BAZ1B: variants seen among roughly 807,000 people sequenced by gnomAD.
BAZ1B encodes bromodomain adjacent to zinc finger domain 1B.
Under a neutral mutation model 153.8 loss-of-function variants are expected in BAZ1B, and 22 were observed. The ratio of observed to expected loss-of-function variants is 0.14; its 90% CI spans 0.10 to 0.20. The LOEUF (loss-of-function observed/expected upper bound fraction) is 0.20. BAZ1B is among the 10% of genes least tolerant of loss of function. The pLI is 1.00. For missense variants in BAZ1B, 1,325 were observed against 1,799.3 expected, an observed-to-expected ratio of 0.74 and a Z score of 4.77; for synonymous variants, 676 against 633.4, an observed-to-expected ratio of 1.07 and a Z score of -1.01.
intron 18 of BAZ1B, 35 bp from the exon 19 acceptor site, chr7:73,442,588 C>A (rs782433429): frequency 6.3e-7 from 1 of 1,582,592 alleles, no homozygotes; most frequent in African/African-American, 1.4e-5. Flanking sequence ...ATCTGCACAG[C>A]CTTGACGGCA....
At chr7:73,455,168 A>T (rs782087321) in intron 13 of BAZ1B, among the ~76,000 whole-genome samples, 2 of 151,998 alleles carry the variant, frequency 1.3e-5, no homozygotes, top group Non-Finnish European at 2.9e-5. Context: ...TACAGGCGTG[A>T]GCCACCGCAC....
chr7:73,482,003 C>T (rs1444983381), intron 6 of BAZ1B, among the ~76,000 whole-genome samples: 1 of 152,188 alleles, frequency 6.6e-6, no homozygotes, highest in Non-Finnish European at 1.5e-5. Context: ...CCCGCCACTG[C>T]ACTCTGGCCT....
intron 13 of BAZ1B, 144 bp downstream of exon 13, chr7:73,459,389 TAAA>T (rs372881709): frequency 7.3e-5 from 47 of 640,598 alleles, no homozygotes; most frequent in Non-Finnish European, 9.5e-5. Context: ...AGAAAGTGAT[TAAA>T]AAAAAAAAAA....
intron 7 of BAZ1B, among the ~76,000 whole-genome samples, chr7:73,476,467 C>T (rs1370000950): frequency 6.6e-6 from 1 of 152,182 alleles, no homozygotes; most frequent in Non-Finnish European, 1.5e-5. Context: ...TTACAACAAT[C>T]TTATCAAGCA....
At chr7:73,510,926 T>C (rs1265828952) in intron 1 of BAZ1B, 74 bp from the exon 2 acceptor site, 12 of 1,242,810 alleles carry the variant, frequency 9.7e-6, no homozygotes, top group Middle Eastern at 1.9e-4. Context: ...GATACTTATA[T>C]ACAGAAAAAA....
chr7:73,509,135 A>T (rs1162866545), intron 2 of BAZ1B, among the ~76,000 whole-genome samples: 1 of 152,116 alleles, frequency 6.6e-6, no homozygotes, highest in Non-Finnish European at 1.5e-5. Flanking sequence ...CAGCCTGGCC[A>T]ACATGGCGAA....
At chr7:73,472,794 A>G (rs1231643474) in intron 7 of BAZ1B, among the ~76,000 whole-genome samples, 1 of 149,794 alleles carries the variant, frequency 6.7e-6, no homozygotes, top group East Asian at 2.0e-4. Flanking sequence ...GTCTCGCTCT[A>G]TCATCAGGCT....
At chr7:73,491,633 A>G (rs1217796975) in intron 5 of BAZ1B, among the ~76,000 whole-genome samples, 6 of 152,112 alleles carry the variant, frequency 3.9e-5, no homozygotes, top group Admixed American at 1.3e-4. Flanking sequence ...AAAAATCCTA[A>G]CAACCCAGCC....
chr7:73,518,271 G>A (rs1014112248), intron 1 of BAZ1B, among the ~76,000 whole-genome samples: 2 of 151,068 alleles, frequency 1.3e-5, no homozygotes, highest in Non-Finnish European at 3.0e-5. Context: ...AAATTAGCCA[G>A]GCGTGGTGGC....
rs782332090 is a variant in BAZ1B at position 73,478,522 on chromosome 7, T to C, written c.939A>G (p.Pro313=). 6.3e-7 allele frequency: 1 copy of C among 1,579,508 alleles called. No individual in the cohort carries two copies. Among genetic ancestry groups the C allele is most frequent in the Admixed American group, 1.9e-5 (1 of 52,636 alleles). ...TGGATTTCTTTGAGGGCTTCCTGTC[T>C]GGGGATCCAGTATTCTTCCTCTTAG... The part of the protein sequence containing the change: ...PSTKRKNTGS[P]DRKPSKKSKT... The change falls in exon 7 of 20, where the codon CCA becomes CCG. Residue 313 remains proline, a synonymous_variant. Coordinates refer to ENST00000339594, the MANE Select transcript of BAZ1B (RefSeq NM_032408.4).
intron 13 of BAZ1B, among the ~76,000 whole-genome samples, chr7:73,455,813 T>A (rs797031740): frequency 6.6e-6 from 1 of 152,056 alleles, no homozygotes; most frequent in African/African-American, 2.4e-5. Flanking sequence ...AGAGCAAATA[T>A]GACATCAGGT....
At chr7:73,488,299 T>G (rs1208572744) in intron 6 of BAZ1B, among the ~76,000 whole-genome samples, 2 of 152,202 alleles carry the variant, frequency 1.3e-5, no homozygotes, top group Admixed American at 6.5e-5. Context: ...CCTAGGCCAG[T>G]GTCTTAAGTC....
At chr7:73,518,425 A>C (rs1790899262) in intron 1 of BAZ1B, among the ~76,000 whole-genome samples, 1 of 151,734 alleles carries the variant, frequency 6.6e-6, no homozygotes, top group Non-Finnish European at 1.5e-5. Context: ...AAAATAAATA[A>C]ATAAATAAAT....
chr7:73,480,882 T>C (rs1789172448), intron 6 of BAZ1B, among the ~76,000 whole-genome samples: 1 of 152,124 alleles, frequency 6.6e-6, no homozygotes, highest in Middle Eastern at 3.4e-3. Flanking sequence ...GAAAAGCAAA[T>C]AGGTTTAGTA....
At chr7:73,501,699 C>T (rs1790140148) in intron 3 of BAZ1B, among the ~76,000 whole-genome samples, 1 of 152,114 alleles carries the variant, frequency 6.6e-6, no homozygotes, top group Admixed American at 6.6e-5. Context: ...CCTGTTCTCT[C>T]TCCCTGAAAT....
At chr7:73,455,055 C>CTT (rs1242520147) in intron 13 of BAZ1B, among the ~76,000 whole-genome samples, 51 of 144,602 alleles carry the variant, frequency 3.5e-4, no homozygotes, top group African/African-American at 1.2e-3. Flanking sequence ...TGCATTTTTT[C>CTT]TTTTTTTTTT....
Position 73,441,105 on chromosome 7 carries a change from T to G in BAZ1B, c.*604A>C, listed in dbSNP as rs1787598531. ...GGAGGCAGCAGACACAGCACTGCCCTGCTCCCCCTCCAATGTTGCTGCTTG... is the reference window on the plus strand; with the variant it reads ...GGAGGCAGCAGACACAGCACTGCCCGGCTCCCCCTCCAATGTTGCTGCTTG... On this transcript the variant is annotated 3_prime_UTR_variant, in exon 20 of 20. Coordinates refer to ENST00000339594, the MANE Select transcript of BAZ1B (RefSeq NM_032408.4). The G allele has an allele frequency of 6.6e-6, 1 of 152,246 alleles. No individual in the cohort carries two copies. The highest frequency in any genetic ancestry group is 6.6e-5 in the Admixed American group (1 of 15,228). The allele number at this position is 152,246 out of a possible 1,614,324, so 9.4% of individuals were successfully genotyped here. A position where few individuals can be genotyped will look rare whatever the true frequency, so the allele number is the denominator to read the frequency against.
At chr7:73,514,527 C>CA (rs1790713835) in intron 1 of BAZ1B, among the ~76,000 whole-genome samples, 1 of 140,320 alleles carries the variant, frequency 7.1e-6, no homozygotes. Context: ...GAGTGAAACT[C>CA]AGTCTCAAAA....
chr7:73,489,456 G>A (rs1789547349), intron 5 of BAZ1B, 65 bp from the exon 6 acceptor site: 2 of 1,526,154 alleles, frequency 1.3e-6, no homozygotes, highest in Non-Finnish European at 1.8e-6. Context: ...ATGAGAACAA[G>A]CAATATACGT....
Sources: gnomAD v4.1 joint callset for allele counts (sites outside exome capture counted in the v4.1 genomes callset) on GRCh38, gnomAD v4.1.1 for gene constraint, MANE v1.5 for transcripts, NCBI Gene and HGNC (gene_info 2026-07-23, HGNC 2026-07-21) for gene names.